SUFU: variants seen among roughly 807,000 people sequenced by gnomAD.
SUFU encodes suppressor of fused homolog.
A neutral mutation model predicts 58.9 loss-of-function variants in SUFU; 7 were observed. The observed-to-expected ratio is 0.12, with a 90% CI of 0.07 to 0.22. The LOEUF (loss-of-function observed/expected upper bound fraction) is 0.22, where lower values mean the gene tolerates loss of function less well. Ranked by LOEUF, SUFU falls within the 10% of genes least tolerant of loss-of-function variation. SUFU has a pLI of 1.00. For synonymous variants in SUFU, 232 were observed against 254.8 expected (o/e 0.91, Z 0.85); for missense variants, 451 against 641.3 (o/e 0.70, Z 3.20).
rs2062368155 is a variant in SUFU at position 102,509,209 on chromosome 10, A to G, written c.223A>G (p.Arg75Gly). The change falls in exon 2 of 12, where the codon AGG becomes GGG. Residue 75 changes from arginine to glycine, a missense_variant. Arg to Gly is a moderately radical substitution (Grantham distance 125, BLOSUM62 -2). Coordinates refer to ENST00000369902, the MANE Select transcript of SUFU (RefSeq NM_016169.4). ...PDPLDYVSMY[R>G]NVGSPSANIP... ...CCCCTTGGACTATGTTAGCATGTAC[A>G]GGAATGTGGGGAGCCCTTCTGCTAA... 6.2e-7 allele frequency: 1 copy of G among 1,614,092 alleles called. No homozygotes were observed. The highest frequency in any genetic ancestry group is 8.5e-7 in the Non-Finnish European group (1 of 1,180,046).
At chr10:102,538,785 A>G (rs903749869) in intron 2 of SUFU, among the ~76,000 whole-genome samples, 2 of 152,208 alleles carry the variant, frequency 1.3e-5, no homozygotes, top group East Asian at 3.8e-4. Flanking sequence ...TGAAATGTAG[A>G]TAAGAAGAGA....
intron 2 of SUFU, among the ~76,000 whole-genome samples, chr10:102,530,217 A>T (rs963135249): frequency 6.6e-6 from 1 of 151,926 alleles, no homozygotes; most frequent in Non-Finnish European, 1.5e-5. Context: ...CTGGCATCTT[A>T]TTGGGATGCT....
At chr10:102,561,409 A>T (rs1284576379) in intron 3 of SUFU, among the ~76,000 whole-genome samples, 1 of 151,598 alleles carries the variant, frequency 6.6e-6, no homozygotes, top group Non-Finnish European at 1.5e-5. Context: ...TCGCTCTGTC[A>T]CCCAGGCTGG....
chr10:102,612,560 T>C (rs1045616978), intron 8 of SUFU, among the ~76,000 whole-genome samples: 1 of 152,178 alleles, frequency 6.6e-6, no homozygotes, highest in South Asian at 2.1e-4. Flanking sequence ...CCCTGTGTGC[T>C]GTTGATTCTT....
chr10:102,504,340 C>A lies in SUFU; in HGVS notation c.182+6C>A. 1 of 1,614,092 alleles carries A rather than the reference C, an allele frequency of 6.2e-7. No homozygotes were observed. The highest frequency in any genetic ancestry group is 1.3e-5 in the African/African-American group (1 of 75,056). ...ACCGCTATCGTCAAGTACTGGTATG[C>A]TCTGGGCCGCGGGGAGACGGACAGG... On this transcript the variant is annotated splice_donor_region_variant and intron_variant, in intron 1 of 11. Transcript: ENST00000369902.
At chr10:102,598,980 C>T (rs535979367) in intron 7 of SUFU, among the ~76,000 whole-genome samples, 8 of 152,136 alleles carry the variant, frequency 5.3e-5, no homozygotes, top group African/African-American at 1.7e-4. Context: ...GAAGGAGTGG[C>T]GGGACCAGAT....
intron 3 of SUFU, among the ~76,000 whole-genome samples, chr10:102,554,454 T>G (rs1375902003): frequency 6.6e-6 from 1 of 151,626 alleles, no homozygotes; most frequent in Non-Finnish European, 1.5e-5. Context: ...GCTTGATGAG[T>G]TTTCACAAAC....
intron 8 of SUFU, among the ~76,000 whole-genome samples, chr10:102,604,554 T>C (rs941459574): frequency 6.6e-5 from 10 of 152,182 alleles, no homozygotes; most frequent in Non-Finnish European, 1.0e-4. Flanking sequence ...TTATCGCCCA[T>C]CCTTGATCCT....
intron 3 of SUFU, among the ~76,000 whole-genome samples, chr10:102,587,180 G>GT (rs1266996705): frequency 6.6e-6 from 1 of 152,158 alleles, no homozygotes; most frequent in Non-Finnish European, 1.5e-5. Flanking sequence ...ACAAATATCT[G>GT]TTTGAGACCA....
chr10:102,520,864 C>T (rs1042674018), intron 2 of SUFU, among the ~76,000 whole-genome samples: 1 of 152,168 alleles, frequency 6.6e-6, no homozygotes, highest in Non-Finnish European at 1.5e-5. Flanking sequence ...TTTATTCTTT[C>T]ACCTTTTGAA....
chr10:102,590,132 C>G (rs1427432970), intron 3 of SUFU, among the ~76,000 whole-genome samples: 1 of 148,448 alleles, frequency 6.7e-6, no homozygotes, highest in Non-Finnish European at 1.5e-5. Context: ...ACCTCCCCCC[C>G]GACTTTTTCT....
intron 4 of SUFU, 43 bp downstream of exon 4, chr10:102,592,767 AG>A: frequency 6.2e-7 from 1 of 1,611,564 alleles, no homozygotes. Context: ...TCCTGTGGGA[AG>A]GGTCCTGGGA....
intron 1 of SUFU, among the ~76,000 whole-genome samples, chr10:102,506,048 A>G (rs1016565707): frequency 7.0e-4 from 102 of 146,448 alleles, no homozygotes; most frequent in African/African-American, 2.1e-3. Context: ...TGAAAAAAAA[A>G]AAAAAAAAAA....
In SUFU at chr10:102,568,939, T is replaced by TACACAC. The variant is rs1341395312; in HGVS notation, c.454+18834_454+18835insCACACA. ...ATATATACACATATATATATATATA[T>TACACAC]ATATATATATATATATATATATATC... On this transcript the variant is annotated intron_variant, in intron 3 of 11. Transcript: ENST00000369902. Among the ~76,000 whole-genome samples, 87 of 43,752 alleles carry TACACAC rather than the reference T, an allele frequency of 2.0e-3. 2 individuals carry two copies. Among genetic ancestry groups the TACACAC allele is most frequent in the African/African-American group, 2.8e-3 (34 of 12,044 alleles). The allele number at this position is 43,752 out of a possible 152,430, so 28.7% of individuals were successfully genotyped here.
intron 2 of SUFU, among the ~76,000 whole-genome samples, chr10:102,524,418 T>G: frequency 6.7e-6 from 1 of 149,592 alleles, no homozygotes; most frequent in East Asian, 2.0e-4. Context: ...CTCCGCCTCC[T>G]GGGATCAAGC....
intron 2 of SUFU, among the ~76,000 whole-genome samples, chr10:102,513,516 A>T (rs1425037673): frequency 1.3e-5 from 2 of 152,254 alleles, no homozygotes; most frequent in African/African-American, 4.8e-5. Context: ...GAAGGAGCTC[A>T]TGTTCTAGAG....
intron 3 of SUFU, among the ~76,000 whole-genome samples, chr10:102,580,039 C>CCG (rs57264725): frequency 3.6e-5 from 5 of 139,366 alleles, no homozygotes; most frequent in Admixed American, 7.0e-5. Flanking sequence ...ACCCCCCCCC[C>CCG]GCCCCCAGTT....
At chr10:102,553,564 C>T (rs548022966) in intron 3 of SUFU, among the ~76,000 whole-genome samples, 7 of 151,942 alleles carry the variant, frequency 4.6e-5, no homozygotes, top group Non-Finnish European at 7.4e-5. Flanking sequence ...CCCAGATTCA[C>T]GCCATTCTCC....
intron 2 of SUFU, among the ~76,000 whole-genome samples, chr10:102,547,994 AAAAG>A (rs1176485030): frequency 2.6e-5 from 4 of 152,006 alleles, no homozygotes; most frequent in Non-Finnish European, 5.9e-5. Flanking sequence ...CTACTAAAAA[AAAAG>A]AAAGAAATTA....
Sources: gnomAD v4.1 joint callset for allele counts (sites outside exome capture counted in the v4.1 genomes callset) on GRCh38, gnomAD v4.1.1 for gene constraint, MANE v1.5 for transcripts, NCBI Gene and HGNC (gene_info 2026-07-23, HGNC 2026-07-21) for gene names.